AFF3: variants seen among roughly 807,000 people sequenced by gnomAD.
AFF3 encodes ALF transcription elongation factor 3.
In AFF3, 32 loss-of-function variants were observed where a neutral mutation model predicts 129.7. The ratio of observed to expected loss-of-function variants is 0.25; its 90% CI spans 0.19 to 0.33. AFF3 has a LOEUF of 0.33. Ranked by LOEUF, AFF3 falls within the 10% of genes least tolerant of loss-of-function variation. The pLI, the probability that AFF3 is intolerant of heterozygous loss-of-function variation, is 1.00. For missense variants in AFF3, 1,373 were observed against 1,592.0 expected, an observed-to-expected ratio of 0.86 and a Z score of 2.34; for synonymous variants, 644 against 635.4, an observed-to-expected ratio of 1.01 and a Z score of -0.20.
intron 12 of AFF3, among the ~76,000 whole-genome samples, chr2:99,662,215 T>C (rs572724174): frequency 2.0e-5 from 3 of 152,264 alleles, no homozygotes; most frequent in East Asian, 1.9e-4. Context: ...TGCTGAACAT[T>C]TGAGTTTCAC....
chr2:99,753,731 C>T (rs1361841472), intron 8 of AFF3, among the ~76,000 whole-genome samples: 5 of 152,178 alleles, frequency 3.3e-5, no homozygotes, highest in African/African-American at 4.8e-5. Flanking sequence ...TCCCACACCA[C>T]GACACGTGAC....
chr2:99,716,245 T>C (rs1301493179), intron 11 of AFF3, among the ~76,000 whole-genome samples: 1 of 152,228 alleles, frequency 6.6e-6, no homozygotes, highest in Non-Finnish European at 1.5e-5. Context: ...GTTGACCTAC[T>C]GCTTTTCAGG....
At chr2:99,705,874 C>CAAAAA (rs34186291) in intron 11 of AFF3, among the ~76,000 whole-genome samples, 18 of 53,420 alleles carry the variant, frequency 3.4e-4, no homozygotes, top group African/African-American at 9.9e-4. Flanking sequence ...AACTGCGCCT[C>CAAAAA]AAAAAAAAAA....
chr2:99,952,717 T>C (rs537644794), intron 7 of AFF3, among the ~76,000 whole-genome samples: 1 of 152,346 alleles, frequency 6.6e-6, no homozygotes, highest in East Asian at 1.9e-4. Flanking sequence ...CCCTCTCACA[T>C]GTCTCATGTG....
chr2:99,879,617 A>T (rs1416519318), intron 7 of AFF3, among the ~76,000 whole-genome samples: 7 of 152,198 alleles, frequency 4.6e-5, no homozygotes, highest in African/African-American at 1.7e-4. Flanking sequence ...ACAGGGTATA[A>T]AAGAATGGTC....
intron 4 of AFF3, among the ~76,000 whole-genome samples, chr2:100,053,403 C>T (rs1265577920): frequency 6.6e-6 from 1 of 152,232 alleles, no homozygotes; most frequent in African/African-American, 2.4e-5. Flanking sequence ...ACATTAGAAA[C>T]CTGGGACCTG....
chr2:99,887,577 T>C (rs531746501), intron 7 of AFF3, among the ~76,000 whole-genome samples: 1 of 152,374 alleles, frequency 6.6e-6, no homozygotes, highest in South Asian at 2.1e-4. Context: ...ATATCTGCGC[T>C]GTTTACCAGG....
chr2:99,651,683 C>A (rs920931658), intron 12 of AFF3, among the ~76,000 whole-genome samples: 1 of 152,088 alleles, frequency 6.6e-6, no homozygotes, highest in Non-Finnish European at 1.5e-5. Context: ...CTCAAATGAT[C>A]CACCCGCCTC....
At chr2:99,975,539 A>C (rs973475911) in intron 7 of AFF3, among the ~76,000 whole-genome samples, 2 of 152,208 alleles carry the variant, frequency 1.3e-5, no homozygotes, top group Admixed American at 1.3e-4. Context: ...AAATAAAGTA[A>C]AATGAAGAAA....
At chr2:99,864,111 A>T (rs968865872) in intron 7 of AFF3, among the ~76,000 whole-genome samples, 2 of 152,208 alleles carry the variant, frequency 1.3e-5, no homozygotes, top group Admixed American at 1.3e-4. Context: ...AATCTCAGCC[A>T]CTGTGGTCTT....
intron 4 of AFF3, among the ~76,000 whole-genome samples, chr2:100,017,110 T>TA (rs1449550703): frequency 6.6e-6 from 1 of 151,928 alleles, no homozygotes; most frequent in African/African-American, 2.4e-5. Flanking sequence ...TGCTAGTGGT[T>TA]AAAAATCTGT....
intron 4 of AFF3, among the ~76,000 whole-genome samples, chr2:100,012,871 T>C (rs2104785850): frequency 6.6e-6 from 1 of 152,358 alleles, no homozygotes. Flanking sequence ...TAGCAGATGG[T>C]AAAAATTTCT....
At chr2:99,992,156 T>G (rs1680415663) in intron 7 of AFF3, among the ~76,000 whole-genome samples, 1 of 152,174 alleles carries the variant, frequency 6.6e-6, no homozygotes, top group African/African-American at 2.4e-5. Context: ...ATTTCTAATC[T>G]AAGGAAAGAA....
intron 14 of AFF3, among the ~76,000 whole-genome samples, 165 bp downstream of exon 14, chr2:99,601,270 A>G (rs1404729620): frequency 1.3e-5 from 2 of 152,092 alleles, no homozygotes; most frequent in Non-Finnish European, 2.9e-5. Context: ...GAGGAGGGGG[A>G]AAATGTGGAG....
At chr2:99,555,686 C>G (rs1674846275) in intron 22 of AFF3, among the ~76,000 whole-genome samples, 1 of 152,176 alleles carries the variant, frequency 6.6e-6, no homozygotes, top group Non-Finnish European at 1.5e-5. Flanking sequence ...GGAGTTTTCC[C>G]CTTCCAGAGA....
At chr2:99,713,145 C>G (rs997002253) in intron 11 of AFF3, among the ~76,000 whole-genome samples, 1 of 152,050 alleles carries the variant, frequency 6.6e-6, no homozygotes, top group Non-Finnish European at 1.5e-5. Context: ...AAAAAGAGTT[C>G]TAAGGAGAGG....
chr2:99,639,927 G>A (rs949952527), intron 13 of AFF3, among the ~76,000 whole-genome samples: 2 of 151,862 alleles, frequency 1.3e-5, no homozygotes, highest in Non-Finnish European at 2.9e-5. Flanking sequence ...TCCTGGCCTC[G>A]AGTGAGGGGA....
At chr2:99,985,880 A>G (rs1679810126) in intron 7 of AFF3, among the ~76,000 whole-genome samples, 1 of 152,088 alleles carries the variant, frequency 6.6e-6, no homozygotes, top group Non-Finnish European at 1.5e-5. Context: ...TTCTATATAG[A>G]AATTGTACTT....
intron 8 of AFF3, among the ~76,000 whole-genome samples, chr2:99,837,037 T>A (rs927379415): frequency 2.0e-5 from 3 of 152,118 alleles, no homozygotes; most frequent in African/African-American, 7.2e-5. Context: ...AATAGAGAAA[T>A]AACAGTTCCA....
Sources: gnomAD v4.1 joint callset for allele counts (sites outside exome capture counted in the v4.1 genomes callset) on GRCh38, gnomAD v4.1.1 for gene constraint, MANE v1.5 for transcripts, NCBI Gene and HGNC (gene_info 2026-07-23, HGNC 2026-07-21) for gene names.